IGF2R: variants seen among roughly 807,000 people sequenced by gnomAD.
IGF2R encodes the protein cation-independent mannose-6-phosphate receptor.
In IGF2R, 91 loss-of-function variants were observed where a neutral mutation model predicts 270.6. That is an observed-to-expected ratio of 0.34 (90% CI 0.28 to 0.40). The LOEUF (loss-of-function observed/expected upper bound fraction) is 0.40, where lower values mean the gene tolerates loss of function less well. Among genes scored for constraint, IGF2R ranks in the 10% least tolerant of loss-of-function variants. The pLI is 1.00. For synonymous variants in IGF2R, 1,316 were observed against 1,258.9 expected, an observed-to-expected ratio of 1.05 and a Z score of -0.96; for missense variants, 2,805 against 3,188.3, an observed-to-expected ratio of 0.88 and a Z score of 2.90.
chr6:159,976,622 C>T (rs754909477), intron 1 of IGF2R, among the ~76,000 whole-genome samples: 4 of 151,988 alleles, frequency 2.6e-5, no homozygotes, highest in Admixed American at 1.3e-4. Flanking sequence ...CTTCGGAGTA[C>T]CATACCACTC....
At chr6:160,000,040 T>C (rs1002969884) in intron 2 of IGF2R, among the ~76,000 whole-genome samples, 2 of 152,218 alleles carry the variant, frequency 1.3e-5, no homozygotes, top group African/African-American at 2.4e-5. Flanking sequence ...TGAGAGCTTT[T>C]CTTAAAAATT....
At chr6:160,012,757 ATATATATTTTTTTTTT>A (rs1171971538) in intron 4 of IGF2R, among the ~76,000 whole-genome samples, 1 of 71,582 alleles carries the variant, frequency 1.4e-5, no homozygotes, top group Non-Finnish European at 3.1e-5. Context: ...ATATATATAT[ATATATATTTTTTTTTT>A]TTTTTGTTTG....
At chr6:160,006,879 C>T (rs1784248648) in intron 2 of IGF2R, 1 of 150,338 alleles carries the variant, frequency 6.7e-6, no homozygotes, top group Non-Finnish European at 1.5e-5. Flanking sequence ...TTTCACTTTT[C>T]GCTAGGAGTA....
intron 1 of IGF2R, among the ~76,000 whole-genome samples, chr6:159,986,430 GTTTTTTTTT>G (rs5741634): frequency 3.4e-5 from 4 of 116,828 alleles, no homozygotes; most frequent in East Asian, 2.2e-4. Context: ...GTGTGTGTGT[GTTTTTTTTT>G]TTTTTTTAAG....
Position 160,027,301 on chromosome 6 carries a change from G to T in IGF2R, c.763G>T (p.Val255Leu). 2 of 1,613,422 alleles carry T rather than the reference G, an allele frequency of 1.2e-6. No homozygotes were observed. Among genetic ancestry groups the T allele is most frequent in the Non-Finnish European group, 1.7e-6 (2 of 1,179,770 alleles). Reference sequence around the variant, plus strand: ...CCAGCCCCGGGACGGACTGAAGCTGGTGCGCAAGGACAGGTCAGTCAAGGC... The same window carrying T: ...CCAGCCCCGGGACGGACTGAAGCTGTTGCGCAAGGACAGGTCAGTCAAGGC... ...VGQPRDGLKL[V>L]RKDRLVLSYV... is the part of the protein sequence containing the mutation. Residue 255 changes from valine to leucine, a missense_variant, in exon 6 of 48, where the codon GTG (valine) becomes TTG (leucine). This residue lies in a region of IGF2R where 954 missense variants were observed against 981.1 expected (regional missense o/e 0.97). Coordinates refer to ENST00000356956, the MANE Select transcript of IGF2R (RefSeq NM_000876.4).
At chr6:159,996,197 C>G (rs1186105046) in intron 2 of IGF2R, among the ~76,000 whole-genome samples, 2 of 152,264 alleles carry the variant, frequency 1.3e-5, no homozygotes, top group East Asian at 3.9e-4. Context: ...CCCGCGGGGC[C>G]TGGAAGGCAG....
intron 29 of IGF2R, among the ~76,000 whole-genome samples, chr6:160,065,814 G>GTGTATGTATATATATATATATATA: frequency 3.8e-5 from 3 of 78,392 alleles, no homozygotes; most frequent in African/African-American, 1.7e-4. Flanking sequence ...GTGTGTGTGT[G>GTGTATGTATATATATATATATATA]TATATATATA....
chr6:160,028,608 T>G (rs1348834961), intron 6 of IGF2R, among the ~76,000 whole-genome samples: 1 of 152,230 alleles, frequency 6.6e-6, no homozygotes, highest in Non-Finnish European at 1.5e-5. Flanking sequence ...ACTGGGCCCT[T>G]TCCACACTGA....
chr6:159,993,317 G>A (rs1562335538), intron 2 of IGF2R, among the ~76,000 whole-genome samples: 1 of 152,194 alleles, frequency 6.6e-6, no homozygotes, highest in Non-Finnish European at 1.5e-5. Context: ...CTAGGCCAAT[G>A]TCCAGGAGAG....
At position 160,032,937 on chromosome 6, in the gene IGF2R, T is replaced by C. The variant is rs1217432920; in HGVS notation, c.1046-5T>C. 1 of 1,585,742 alleles carries C rather than the reference T, an allele frequency of 6.3e-7. No homozygotes were observed. Among genetic ancestry groups the C allele is most frequent in the Non-Finnish European group, 8.6e-7 (1 of 1,156,324 alleles). Reference sequence around the variant, plus strand: ...GCCTCTTCTTGTTAATTTCCCTGTTTTTAGGTTCATCCTATATTTCAGATG... The same window carrying C: ...GCCTCTTCTTGTTAATTTCCCTGTTCTTAGGTTCATCCTATATTTCAGATG... On this transcript the variant is annotated splice_polypyrimidine_tract_variant and splice_region_variant and intron_variant, in intron 8 of 47. Transcript: ENST00000356956.
chr6:160,015,016 A>C (rs187901961), intron 4 of IGF2R, among the ~76,000 whole-genome samples: 33 of 152,290 alleles, frequency 2.2e-4, no homozygotes, highest in Admixed American at 2.0e-3. Context: ...AGTGCCTTTG[A>C]GGCTGTGAGT....
In IGF2R at chr6:160,073,901, C is replaced by G; in HGVS notation, c.5092C>G (p.Leu1698Val). ...TTTCTACATCAATATTTGTCAGCCACTAAATCCCATGCACGGAGTGCCCTG... is the reference window on the plus strand; with the variant it reads ...TTTCTACATCAATATTTGTCAGCCAGTAAATCCCATGCACGGAGTGCCCTG... Reference protein sequence around the residue: ...PDFYINICQPLNPMHGVPCPA... With the variant: ...PDFYINICQPVNPMHGVPCPA... Residue 1698 changes from leucine to valine, a missense_variant, in exon 35 of 48, where the codon CTA becomes GTA. Transcript: ENST00000356956. 2 of 1,614,246 alleles carry G rather than the reference C, an allele frequency of 1.2e-6. No homozygotes were observed. Among genetic ancestry groups the G allele is most frequent in the African/African-American group, 1.3e-5 (1 of 75,064 alleles).
chr6:160,042,758 T>C (rs1777973725), intron 11 of IGF2R, among the ~76,000 whole-genome samples: 1 of 152,138 alleles, frequency 6.6e-6, no homozygotes, highest in African/African-American at 2.4e-5. Context: ...TTAGCAATGG[T>C]GTTAAGCGGG....
Position 160,047,946 on chromosome 6 carries a change from A to T in IGF2R, c.2345+39A>T, listed in dbSNP as rs376521496. 1.9e-5 allele frequency: 24 copies of T among 1,295,196 alleles called. No homozygotes were observed. In the Middle Eastern group the frequency reaches 1.5e-3, roughly 84 times the overall value. The allele number at this position is 1,295,196 out of a possible 1,614,324, so 80.2% of individuals were successfully genotyped here. A position where few individuals can be genotyped will look rare whatever the true frequency, so the allele number is the denominator to read the frequency against. On this transcript the variant is annotated intron_variant, in intron 17 of 47. Coordinates refer to ENST00000356956, the MANE Select transcript of IGF2R (RefSeq NM_000876.4). ...AGCTGCTCTGTTTTTGGCCTGGTAC[A>T]GATGCTGAGGTTGCAAGTGTTGCTG...
At position 160,110,657 on chromosome 6, in the gene IGF2R, A is replaced by G. The variant is rs1278603440; in HGVS notation, c.*5573A>G. The stretch of plus-strand genomic sequence containing the variant: ...TATTCACAATAGCCAAGATAGGGAA[A>G]AAGCCTCAGTGTCTACTGACAAATA... On this transcript the variant is annotated 3_prime_UTR_variant, in exon 48 of 48. Coordinates refer to ENST00000356956, the MANE Select transcript of IGF2R (RefSeq NM_000876.4). 6.6e-6 allele frequency: 1 copy of G among 152,256 alleles called. No homozygotes were observed. Among genetic ancestry groups the G allele is most frequent in the East Asian group, 1.9e-4 (1 of 5,202 alleles). 9.4% of individuals were successfully genotyped at this position (152,256 alleles called of 1,614,324 possible).
In IGF2R at chr6:160,102,663, G is replaced by A. The variant is rs760128656; in HGVS notation, c.6987G>A (p.Lys2329=). 1.2e-6 allele frequency: 2 copies of A among 1,603,238 alleles called. No homozygotes were observed. Among genetic ancestry groups the A allele is most frequent in the South Asian group, 2.2e-5 (2 of 90,320 alleles). The part of the protein sequence containing the change: ...CCLLALLLYK[K]ERRETVISKL... ...TGCTGGCCCTGTTGCTCTACAAGAA[G>A]GAGAGGAGGTAAGCGGGTGGCAGGG... Residue 2329 remains lysine, a synonymous_variant, in exon 46 of 48, where the codon AAG becomes AAA. Transcript: ENST00000356956. The surrounding 1 kb of genome is among the most constrained non-coding windows in gnomAD (Gnocchi z 4.5).
intron 19 of IGF2R, among the ~76,000 whole-genome samples, chr6:160,055,268 C>CCTTCT (rs1262296407): frequency 6.6e-6 from 1 of 152,202 alleles, no homozygotes; most frequent in Non-Finnish European, 1.5e-5. Context: ...ACTGCCCCCT[C>CCTTCT]CTTCTCTGGT....
chr6:160,096,908 C>T (rs569167990), intron 45 of IGF2R, among the ~76,000 whole-genome samples: 1 of 152,172 alleles, frequency 6.6e-6, no homozygotes. Flanking sequence ...AGGGTCCAGT[C>T]AGGGCACCCC....
At chr6:160,040,466 G>A in intron 10 of IGF2R, 94 bp from the exon 11 acceptor site, 1 of 1,001,576 alleles carries the variant, frequency 1.0e-6, no homozygotes, top group Non-Finnish European at 1.5e-6. Context: ...CGGAGCAGTT[G>A]GCATTGGTCC....
Sources: allele counts gnomAD v4.1 joint callset (sites outside exome capture counted in the v4.1 genomes callset), GRCh38; gene constraint gnomAD v4.1.1; regional missense constraint gnomAD v4.1.1; non-coding constraint Gnocchi (gnomAD v3.1); transcripts MANE v1.5; gene names NCBI Gene and HGNC (gene_info 2026-07-23, HGNC 2026-07-21).